FSTL4: variants seen among roughly 807,000 people sequenced by gnomAD.
The protein encoded by FSTL4 is follistatin-related protein 4.
A neutral mutation model predicts 78.2 loss-of-function variants in FSTL4; 28 were observed. The observed-to-expected ratio is 0.36, with a 90% confidence interval of 0.27 to 0.49. The LOEUF (loss-of-function observed/expected upper bound fraction) is 0.49, where lower values mean the gene tolerates loss of function less well. Ranked by LOEUF, FSTL4 falls within the 20% of genes least tolerant of loss-of-function variation. FSTL4 has a pLI of 0.98. For missense variants in FSTL4, 922 were observed against 1,084.9 expected (o/e 0.85, Z 2.11); for synonymous variants, 422 against 440.5 (o/e 0.96, Z 0.53).
the FSTL4 span, among the ~76,000 whole-genome samples, chr5:133,675,749 C>G: frequency 3.3e-5 from 5 of 152,142 alleles, no homozygotes; most frequent in African/African-American, 1.2e-4. Flanking sequence ...GACTGGGATT[C>G]ACAGTACACA....
At chr5:133,625,591 G>C in the FSTL4 span, among the ~76,000 whole-genome samples, 3 of 148,476 alleles carry the variant, frequency 2.0e-5, no homozygotes, top group East Asian at 5.9e-4. Context: ...TTTCTCCATT[G>C]GGTTTTTGTT....
At chr5:133,508,868 C>G (rs1758667418) in intron 3 of FSTL4, among the ~76,000 whole-genome samples, 1 of 152,194 alleles carries the variant, frequency 6.6e-6, no homozygotes, top group Admixed American at 6.5e-5. Flanking sequence ...TCCTTAGAGT[C>G]TGTCTTGTTG....
At chr5:133,712,080 G>A in the FSTL4 span, among the ~76,000 whole-genome samples, 1 of 152,166 alleles carries the variant, frequency 6.6e-6, no homozygotes, top group Non-Finnish European at 1.5e-5. Context: ...CATACAAGGG[G>A]CTATGTGACA....
At chr5:133,682,265 T>C in the FSTL4 span, among the ~76,000 whole-genome samples, 1 of 152,114 alleles carries the variant, frequency 6.6e-6, no homozygotes, top group African/African-American at 2.4e-5. Flanking sequence ...GAAGTGTGAG[T>C]TCAGCCTCCC....
At chr5:133,271,535 C>T (rs566313977) in intron 6 of FSTL4, among the ~76,000 whole-genome samples, 42 of 152,272 alleles carry the variant, frequency 2.8e-4, no homozygotes, top group East Asian at 7.7e-4. Flanking sequence ...TGCCCCCCAC[C>T]GCCCCAGCAT....
chr5:133,359,257 C>A (rs1755016159), intron 4 of FSTL4, among the ~76,000 whole-genome samples: 2 of 152,138 alleles, frequency 1.3e-5, no homozygotes, highest in Admixed American at 1.3e-4. Flanking sequence ...AGATTCCTGG[C>A]AGTAGAGAAG....
At chr5:133,422,311 C>G (rs796605040) in intron 3 of FSTL4, among the ~76,000 whole-genome samples, 4 of 152,076 alleles carry the variant, frequency 2.6e-5, no homozygotes, top group African/African-American at 9.6e-5. Context: ...ATGCTGGCTG[C>G]TGGGTGGAGG....
intron 4 of FSTL4, among the ~76,000 whole-genome samples, chr5:133,357,498 T>A (rs1754967340): frequency 6.6e-6 from 1 of 152,170 alleles, no homozygotes; most frequent in Non-Finnish European, 1.5e-5. Context: ...CAATTTCTAG[T>A]TGTGTTTGGC....
At chr5:133,215,789 C>T (rs1750887835) in intron 13 of FSTL4, among the ~76,000 whole-genome samples, 2 of 152,148 alleles carry the variant, frequency 1.3e-5, no homozygotes, top group African/African-American at 4.8e-5. Context: ...TTCTTGTATC[C>T]CTTGGCTTCT....
chr5:133,761,114 G>A, the FSTL4 span, among the ~76,000 whole-genome samples: 8 of 152,202 alleles, frequency 5.3e-5, no homozygotes, highest in African/African-American at 1.9e-4. Context: ...ATGAGCTTGT[G>A]AAGTTTCTCA....
the FSTL4 span, among the ~76,000 whole-genome samples, chr5:133,641,283 T>TAAAAAAAA: frequency 9.2e-6 from 1 of 108,286 alleles, no homozygotes; most frequent in East Asian, 2.7e-4. Flanking sequence ...AAAAAACACG[T>TAAAAAAAA]ACTGATTCAT....
At chr5:133,466,169 G>C (rs1275030143) in intron 3 of FSTL4, among the ~76,000 whole-genome samples, 3 of 152,246 alleles carry the variant, frequency 2.0e-5, no homozygotes, top group Admixed American at 1.3e-4. Flanking sequence ...CAGAGTCCCT[G>C]ATGAGCCAAT....
intron 6 of FSTL4, among the ~76,000 whole-genome samples, chr5:133,287,495 G>A (rs1753162056): frequency 6.6e-6 from 1 of 152,134 alleles, no homozygotes; most frequent in Non-Finnish European, 1.5e-5. Flanking sequence ...TAAATCAGCA[G>A]TGGCTCAGGA....
intron 3 of FSTL4, among the ~76,000 whole-genome samples, chr5:133,480,847 A>G (rs561632831): frequency 6.6e-6 from 1 of 152,208 alleles, no homozygotes; most frequent in African/African-American, 2.4e-5. Context: ...TGGAAACTTG[A>G]TTTTTAAATG....
At chr5:133,645,571 G>A in the FSTL4 span, among the ~76,000 whole-genome samples, 3 of 152,124 alleles carry the variant, frequency 2.0e-5, no homozygotes, top group African/African-American at 7.2e-5. Flanking sequence ...TAACCTCCCA[G>A]AAGGATACAT....
chr5:133,396,026 T>C (rs922923795), intron 4 of FSTL4, among the ~76,000 whole-genome samples: 5 of 152,146 alleles, frequency 3.3e-5, no homozygotes, highest in African/African-American at 1.2e-4. Flanking sequence ...TTAACTTTGA[T>C]CAACTGGAGG....
chr5:133,355,099 GGCGTA>G (rs762167420), intron 4 of FSTL4, among the ~76,000 whole-genome samples: 11 of 152,210 alleles, frequency 7.2e-5, no homozygotes, highest in Non-Finnish European at 1.0e-4. Context: ...TGTTAAAAGA[GGCGTA>G]GCATCCTGAC....
intron 4 of FSTL4, among the ~76,000 whole-genome samples, chr5:133,321,825 C>T (rs1316328200): frequency 3.3e-5 from 5 of 152,224 alleles, no homozygotes; most frequent in Admixed American, 2.6e-4. Context: ...ATAACCTTGA[C>T]GTCCATGCCT....
At chr5:133,554,992 T>C (rs1312370485) in intron 3 of FSTL4, among the ~76,000 whole-genome samples, 37 of 152,196 alleles carry the variant, frequency 2.4e-4, no homozygotes. Context: ...CTAGGGACCA[T>C]CTGTATTTGG....
Sources: gnomAD v4.1 joint callset for allele counts (sites outside exome capture counted in the v4.1 genomes callset) on GRCh38, gnomAD v4.1.1 for gene constraint, MANE v1.5 for transcripts, NCBI Gene and HGNC (gene_info 2026-07-23, HGNC 2026-07-21) for gene names.